AHRR: variants seen among roughly 807,000 people sequenced by gnomAD.
The protein encoded by AHRR is aryl hydrocarbon receptor repressor, also known as ahR repressor.
Under a neutral mutation model 44.0 loss-of-function variants are expected in AHRR, and 28 were observed. That is an observed-to-expected ratio of 0.64 (90% CI 0.47 to 0.87). The LOEUF is 0.87. AHRR is among the 40% of genes least tolerant of loss of function. The pLI is 0.00. For missense variants in AHRR, 990 were observed against 953.9 expected, an observed-to-expected ratio of 1.04 and a Z score of -0.50; for synonymous variants, 434 against 407.0, an observed-to-expected ratio of 1.07 and a Z score of -0.80.
At chr5:376,559 T>TGAATGAAGGAGAGCCGTGGGGGGAACGC in intron 3 of AHRR, 51 bp from the exon 4 acceptor site, 1 of 241,106 alleles carries the variant, frequency 4.1e-6, no homozygotes, top group Non-Finnish European at 7.4e-6. Context: ...TGAAGAAGAG[T>TGAATGAAGGAGAGCCGTGGGGGGAACGC]GGCCAGGCCA....
intron 4 of AHRR, among the ~76,000 whole-genome samples, chr5:380,729 G>A (rs1733945655): frequency 1.3e-5 from 2 of 152,068 alleles, no homozygotes; most frequent in African/African-American, 4.8e-5. Flanking sequence ...AGATTCCATG[G>A]GATTTTTTAA....
At chr5:422,458 C>T (rs1297219715) in intron 5 of AHRR, 29 of 475,810 alleles carry the variant, frequency 6.1e-5, no homozygotes, top group South Asian at 3.3e-4. Flanking sequence ...AGAAGATGCC[C>T]GTCTCTTAGC....
At position 405,114 on chromosome 5, in the gene AHRR, T is replaced by G. The variant is rs1297321103; in HGVS notation, c.352-8230T>G. On this transcript the variant is annotated intron_variant, in intron 4 of 10. Transcript: ENST00000684583. The surrounding 1 kb of genome is among the most constrained non-coding windows in gnomAD (Gnocchi z 4.5). Reference sequence around the variant, plus strand: ...AAAGAAATGCAGCAGGTCTGACATTTCCCCATTTCTCTTGGGGAAATCTGG... The same window carrying G: ...AAAGAAATGCAGCAGGTCTGACATTGCCCCATTTCTCTTGGGGAAATCTGG... 2.0e-5 allele frequency among the ~76,000 whole-genome samples: 3 copies of G among 152,072 alleles called. No homozygotes were observed. The East Asian group carries it at 5.8e-4, about 29-fold the overall frequency.
chr5:421,439 T>TGCCGGCGATGCCCTGTGGCC (rs1736114156), intron 5 of AHRR: 1 of 541,776 alleles, frequency 1.8e-6, no homozygotes, highest in East Asian at 3.4e-5. Flanking sequence ...GCCTCGCGGG[T>TGCCGGCGATGCCCTGTGGCC]GCCGGCGATG....
chr5:343,651 G>A (rs1742446111), intron 1 of AHRR: 3 of 490,696 alleles, frequency 6.1e-6, no homozygotes, highest in South Asian at 2.7e-5. Context: ...GGGGGAGGCC[G>A]GGACCCGCCT....
intron 7 of AHRR, chr5:427,539 C>A: frequency 7.0e-7 from 1 of 1,434,670 alleles, no homozygotes. Context: ...GGCACACACG[C>A]GGGAATGAAC....
At chr5:413,033 T>C (rs76165197) in intron 4 of AHRR, among the ~76,000 whole-genome samples, 19,837 of 152,078 alleles carry the variant, frequency 0.13, 1,708 homozygotes, top group Non-Finnish European at 0.2. Context: ...CAGAAACGTC[T>C]GCAGAGGAAA....
chr5:373,895 T>C (rs1324020209), intron 3 of AHRR, among the ~76,000 whole-genome samples: 2 of 150,520 alleles, frequency 1.3e-5, no homozygotes, highest in African/African-American at 4.9e-5. Flanking sequence ...GCTGGCCCCA[T>C]CGCGTGACGG....
Position 397,777 on chromosome 5 carries a change from G to A in AHRR, c.352-15567G>A, listed in dbSNP as rs370393084. On this transcript the variant is annotated intron_variant, in intron 4 of 10. Transcript: ENST00000684583. ...TCCATGTTAGCCCCTGACCGTCCAC[G>A]TAGCCCCTGACCATCCACGTAGCCC... Among the ~76,000 whole-genome samples the A allele has an allele frequency of 9.6e-5, 10 of 104,604 alleles. 1 individual carries two copies. Among genetic ancestry groups the A allele is most frequent in the East Asian group, 5.8e-4 (2 of 3,434 alleles). The allele number at this position is 104,604 out of a possible 152,430, so 68.6% of individuals were successfully genotyped here.
At position 367,787 on chromosome 5, in the gene AHRR, C is replaced by A. The variant is rs977596890; in HGVS notation, c.245-8823C>A. ...GTGTGTTGCTGGGTTCTGTCCCCCTCCTTCTCTGTTGTATGCCCAGGACAG... is the reference window on the plus strand; with the variant it reads ...GTGTGTTGCTGGGTTCTGTCCCCCTACTTCTCTGTTGTATGCCCAGGACAG... On this transcript the variant is annotated intron_variant, in intron 3 of 10. Transcript: ENST00000684583. 1.4e-5 allele frequency: 10 copies of A among 699,188 alleles called. No homozygotes were observed. In the Admixed American group the frequency reaches 2.0e-4, roughly 14 times the overall value. The allele number at this position is 699,188 out of a possible 1,614,324, so 43.3% of individuals were successfully genotyped here.
chr5:403,787 C>A, intron 4 of AHRR: 1 of 1,536,746 alleles, frequency 6.5e-7, no homozygotes, highest in South Asian at 1.1e-5. Flanking sequence ...TTCAAAGGGT[C>A]TCTTTCCTGG....
intron 4 of AHRR, among the ~76,000 whole-genome samples, chr5:381,782 G>A (rs1733997084): frequency 6.6e-6 from 1 of 152,054 alleles, no homozygotes; most frequent in African/African-American, 2.4e-5. Context: ...CCAAAGTGCT[G>A]GGATTACAGG....
intron 8 of AHRR, among the ~76,000 whole-genome samples, chr5:429,481 G>GCCCTGCCCCTGCC (rs1553989291): frequency 2.0e-5 from 3 of 152,156 alleles, no homozygotes; most frequent in Non-Finnish European, 2.9e-5. Flanking sequence ...GTCTGGGCCG[G>GCCCTGCCCCTGCC]CCCTGCCCCT....
intron 7 of AHRR, among the ~76,000 whole-genome samples, chr5:426,600 T>G (rs1736405113): frequency 6.8e-6 from 1 of 147,278 alleles, no homozygotes; most frequent in African/African-American, 2.5e-5. Context: ...GATGGACAAA[T>G]GGAAAGATGG....
At chr5:332,459 T>C (rs1409824213) in intron 1 of AHRR, among the ~76,000 whole-genome samples, 1 of 151,562 alleles carries the variant, frequency 6.6e-6, no homozygotes, top group African/African-American at 2.4e-5. Flanking sequence ...GTAGAGATGG[T>C]GTTTCACCAT....
At chr5:371,650 G>T (rs1743585392) in intron 3 of AHRR, among the ~76,000 whole-genome samples, 1 of 152,184 alleles carries the variant, frequency 6.6e-6, no homozygotes. Flanking sequence ...GGGCTGACCA[G>T]TCCTGGACTC....
rs1742228615 is a variant in AHRR, at chr5:338,803, G to T, written c.-10-5090G>T. On this transcript the variant is annotated intron_variant, in intron 1 of 10. Coordinates refer to ENST00000684583, the MANE Select transcript of AHRR (RefSeq NM_001377236.1). The surrounding 1 kb of genome is among the most constrained non-coding windows in gnomAD (Gnocchi z 4.1). Reference sequence around the variant, plus strand: ...CTCACTGAGCTTCTTGGGTCTGTAGGTTTACAATTCTCATTACATTTGGAA... The same window carrying T: ...CTCACTGAGCTTCTTGGGTCTGTAGTTTTACAATTCTCATTACATTTGGAA... 6.6e-6 allele frequency among the ~76,000 whole-genome samples: 1 copy of T among 152,138 alleles called. No homozygotes were observed. The highest frequency in any genetic ancestry group is 2.4e-5 in the African/African-American group (1 of 41,414).
At chr5:361,208 C>G (rs890757809) in intron 3 of AHRR, among the ~76,000 whole-genome samples, 1 of 152,214 alleles carries the variant, frequency 6.6e-6, no homozygotes, top group East Asian at 1.9e-4. Context: ...CCACTGCACT[C>G]CAGCCTGGGC....
In AHRR at chr5:423,759, G is replaced by C. The variant is rs949889921; in HGVS notation, c.572-82G>C. On this transcript the variant is annotated intron_variant, in intron 6 of 10. Transcript: ENST00000684583. ...AGGGTTTACATGACCTGGCGCGTGA[G>C]AGCCGTGGGCGTGGTTGTGCGTGTG... 2.3e-5 allele frequency: 34 copies of C among 1,501,654 alleles called. 1 individual carries two copies. In the Admixed American group the frequency reaches 6.6e-4, roughly 29 times the overall value. The allele number at this position is 1,501,654 out of a possible 1,614,324, so 93.0% of individuals were successfully genotyped here.
Sources: gnomAD v4.1 joint callset for allele counts (sites outside exome capture counted in the v4.1 genomes callset) on GRCh38, gnomAD v4.1.1 for gene constraint, Gnocchi (gnomAD v3.1) non-coding constraint, MANE v1.5 for transcripts, NCBI Gene and HGNC (gene_info 2026-07-23, HGNC 2026-07-21) for gene names.